NMNAT3: variants seen among roughly 807,000 people sequenced by gnomAD.
The protein encoded by NMNAT3 is nicotinamide/nicotinic acid mononucleotide adenylyltransferase 3.
NMNAT3 carries 21 observed loss-of-function variants against 24.8 expected under a neutral mutation model. That is an observed-to-expected ratio of 0.85 (90% confidence interval 0.60 to 1.22). NMNAT3 has a LOEUF of 1.22. Ranked by LOEUF, NMNAT3 falls within the 50% of genes most tolerant of loss-of-function variation. NMNAT3 has a pLI of 0.00. For synonymous variants in NMNAT3, 136 were observed against 155.2 expected (o/e 0.88, Z 0.92); for missense variants, 387 against 436.6 (o/e 0.89, Z 1.01).
At chr3:139,643,098 C>A (rs1403241210) in intron 1 of NMNAT3, among the ~76,000 whole-genome samples, 1 of 152,134 alleles carries the variant, frequency 6.6e-6, no homozygotes, top group South Asian at 2.1e-4. Context: ...ATATGAATGG[C>A]CAAGAAGCAC....
chr3:139,599,545 T>A lies in NMNAT3; in HGVS notation c.110-16337A>T. 3 of 614,302 alleles carry A rather than the reference T, an allele frequency of 4.9e-6. No individual in the cohort carries two copies. In the South Asian group the frequency reaches 6.1e-5, roughly 12 times the overall value. 38.1% of individuals were successfully genotyped at this position (614,302 alleles called of 1,614,324 possible). A position where few individuals can be genotyped will look rare whatever the true frequency, so the allele number is the denominator to read the frequency against. ...AGAAGCTTGGGGTAATGTAGCATGT[T>A]AAGAAAAAACATAAAAAAGACCAGA... On this transcript the variant is annotated intron_variant, in intron 3 of 6. Coordinates refer to ENST00000643695, the MANE Select transcript of NMNAT3 (RefSeq NM_001320510.2).
chr3:139,591,371 A>C (rs1213668678), intron 3 of NMNAT3, among the ~76,000 whole-genome samples: 1 of 152,126 alleles, frequency 6.6e-6, no homozygotes, highest in Admixed American at 6.5e-5. Context: ...TCAAACTGCA[A>C]GGCGGCAACG....
At chr3:139,671,605 TTC>T (rs1215758839) in intron 1 of NMNAT3, among the ~76,000 whole-genome samples, 9 of 143,430 alleles carry the variant, frequency 6.3e-5, no homozygotes, top group Admixed American at 6.0e-4. Flanking sequence ...GTGGTATCCT[TTC>T]TCTCTCTCTC....
intron 3 of NMNAT3, chr3:139,599,560 A>G (rs1350531830): frequency 3.3e-6 from 2 of 607,218 alleles, no homozygotes; most frequent in Non-Finnish European, 5.8e-6. Flanking sequence ...AAAAACATAA[A>G]AAAGACCAGA....
chr3:139,614,036 A>G, intron 3 of NMNAT3, among the ~76,000 whole-genome samples: 1 of 152,044 alleles, frequency 6.6e-6, no homozygotes, highest in Non-Finnish European at 1.5e-5. Context: ...TACCTAATGT[A>G]AATGACGAGT....
chr3:139,578,278 A>G (rs1490636392), intron 5 of NMNAT3, among the ~76,000 whole-genome samples: 2 of 152,250 alleles, frequency 1.3e-5, no homozygotes, highest in Non-Finnish European at 2.9e-5. Flanking sequence ...TCCAGAAGAA[A>G]AAATAATCCA....
At chr3:139,615,469 A>AT (rs1279495962) in intron 3 of NMNAT3, among the ~76,000 whole-genome samples, 28 of 139,948 alleles carry the variant, frequency 2.0e-4, no homozygotes, top group Non-Finnish European at 3.2e-4. Context: ...CTATCCATCC[A>AT]CCCACCCATC....
At chr3:139,670,301 C>T (rs1203940513) in intron 1 of NMNAT3, among the ~76,000 whole-genome samples, 1 of 152,228 alleles carries the variant, frequency 6.6e-6, no homozygotes, top group African/African-American at 2.4e-5. Flanking sequence ...GCATCTCTAT[C>T]TCTTTGTCTC....
intron 1 of NMNAT3, among the ~76,000 whole-genome samples, chr3:139,645,741 C>T (rs1576731903): frequency 6.6e-6 from 1 of 152,108 alleles, no homozygotes; most frequent in East Asian, 1.9e-4. Flanking sequence ...ACAAGGAAAA[C>T]TGAGGAGTAT....
intron 3 of NMNAT3, among the ~76,000 whole-genome samples, chr3:139,613,088 T>A (rs1247784660): frequency 6.6e-6 from 1 of 152,072 alleles, no homozygotes; most frequent in Non-Finnish European, 1.5e-5. Context: ...GGACTTCATG[T>A]CTAAAACACC....
chr3:139,668,913 T>A (rs1465011407), intron 1 of NMNAT3, among the ~76,000 whole-genome samples: 2 of 152,242 alleles, frequency 1.3e-5, no homozygotes, highest in Non-Finnish European at 2.9e-5. Flanking sequence ...ATGACTTTAT[T>A]GATCTAAAAC....
At chr3:139,677,997 C>T (rs986990931), upstream of NMNAT3, 1 of 152,016 alleles carries the variant, frequency 6.6e-6, no homozygotes, top group Non-Finnish European at 1.5e-5. Flanking sequence ...TGCGCCCCGC[C>T]CCTTCGCTGG....
chr3:139,561,689 C>A (rs1232015128), intron 6 of NMNAT3, among the ~76,000 whole-genome samples: 4 of 151,968 alleles, frequency 2.6e-5, no homozygotes, highest in Non-Finnish European at 2.9e-5. Context: ...TGCTTTGGAC[C>A]AAGGCAGAGT....
intron 3 of NMNAT3, among the ~76,000 whole-genome samples, chr3:139,613,164 C>A (rs969998747): frequency 2.0e-5 from 3 of 152,148 alleles, no homozygotes; most frequent in Non-Finnish European, 2.9e-5. Context: ...AGCTTCCGCA[C>A]AGCAAAAGAA....
chr3:139,646,209 T>C (rs1434128527), intron 1 of NMNAT3, among the ~76,000 whole-genome samples: 1 of 152,236 alleles, frequency 6.6e-6, no homozygotes, highest in Non-Finnish European at 1.5e-5. Flanking sequence ...TTTAGTGTTA[T>C]GTTGAGAAGC....
At chr3:139,671,552 C>T (rs576465201) in intron 1 of NMNAT3, among the ~76,000 whole-genome samples, 22 of 152,150 alleles carry the variant, frequency 1.4e-4, no homozygotes, top group Non-Finnish European at 2.6e-4. Context: ...TTATCATCGA[C>T]GGTCCTTTGA....
In NMNAT3 at chr3:139,595,369, G is replaced by A. The variant is rs574204059; in HGVS notation, c.110-12161C>T. On this transcript the variant is annotated intron_variant, in intron 3 of 6. Transcript: ENST00000643695. ...CATGGGTAGGAAGAATCAATATCGC[G>A]AAAATGGCCATACTGCCCAAGGTAA... Among the ~76,000 whole-genome samples the A allele has an allele frequency of 2.0e-3, 305 of 152,278 alleles. 1 individual carries two copies. The highest frequency in any genetic ancestry group is 5.0e-3 in the African/African-American group (209 of 41,538).
At chr3:139,632,132 A>G (rs1421229705) in intron 2 of NMNAT3, among the ~76,000 whole-genome samples, 1 of 152,022 alleles carries the variant, frequency 6.6e-6, no homozygotes, top group Non-Finnish European at 1.5e-5. Flanking sequence ...GGTACTCAGG[A>G]AATGTGTGTG....
At chr3:139,564,565 G>A (rs1936892228) in intron 6 of NMNAT3, among the ~76,000 whole-genome samples, 1 of 152,202 alleles carries the variant, frequency 6.6e-6, no homozygotes, top group African/African-American at 2.4e-5. Context: ...AAGCAGCCCA[G>A]AATGTAGCAA....
Sources: allele counts gnomAD v4.1 joint callset (sites outside exome capture counted in the v4.1 genomes callset), GRCh38; gene constraint gnomAD v4.1.1; transcripts MANE v1.5; gene names NCBI Gene and HGNC (gene_info 2026-07-23, HGNC 2026-07-21).